RPH3A: variants seen among roughly 807,000 people sequenced by gnomAD.
The protein encoded by RPH3A is rabphilin-3A.
In RPH3A, 48 loss-of-function variants were observed where a neutral mutation model predicts 102.2. The ratio of observed to expected loss-of-function variants is 0.47; its 90% confidence interval spans 0.37 to 0.60. The LOEUF (loss-of-function observed/expected upper bound fraction) is 0.60, where lower values mean the gene tolerates loss of function less well. Among genes scored for constraint, RPH3A ranks in the 20% least tolerant of loss-of-function variants. RPH3A has a pLI of 0.00. For missense variants in RPH3A, 781 were observed against 910.1 expected, an observed-to-expected ratio of 0.86 and a Z score of 1.83; for synonymous variants, 310 against 324.3, an observed-to-expected ratio of 0.96 and a Z score of 0.47.
At chr12:112,707,436 T>A (rs2040433697) in intron 1 of RPH3A, among the ~76,000 whole-genome samples, 1 of 152,190 alleles carries the variant, frequency 6.6e-6, no homozygotes, top group Non-Finnish European at 1.5e-5. Flanking sequence ...GTGAGGAAAC[T>A]GGGGCCTAGG....
At chr12:112,719,332 A>G (rs2040536316) in intron 1 of RPH3A, among the ~76,000 whole-genome samples, 1 of 152,194 alleles carries the variant, frequency 6.6e-6, no homozygotes, top group African/African-American at 2.4e-5. Flanking sequence ...CAAACCATCC[A>G]CCAGAGATTA....
At chr12:112,659,241 A>G (rs1187652637) in intron 1 of RPH3A, among the ~76,000 whole-genome samples, 1 of 152,208 alleles carries the variant, frequency 6.6e-6, no homozygotes, top group Non-Finnish European at 1.5e-5. Context: ...CATCTAGCCC[A>G]CAGGAAAGTC....
chr12:112,721,116 T>C (rs929686818), intron 1 of RPH3A, among the ~76,000 whole-genome samples: 37 of 152,216 alleles, frequency 2.4e-4, no homozygotes, highest in African/African-American at 8.7e-4. Flanking sequence ...ATGATGCATG[T>C]AAGCTACCTA....
intron 20 of RPH3A, 190 bp from the exon 21 acceptor site, chr12:112,895,587 C>T: frequency 1.8e-6 from 1 of 547,748 alleles, no homozygotes; most frequent in Non-Finnish European, 3.3e-6. Context: ...TGCTTTGTTA[C>T]ACAGAGTGTT....
At chr12:112,889,574 C>T (rs2043057864) in intron 17 of RPH3A, among the ~76,000 whole-genome samples, 1 of 152,200 alleles carries the variant, frequency 6.6e-6, no homozygotes, top group South Asian at 2.1e-4. Flanking sequence ...GGTTTTCTAA[C>T]TCTGTTTCCC....
intron 4 of RPH3A, among the ~76,000 whole-genome samples, chr12:112,839,636 C>G (rs965813748): frequency 6.6e-6 from 1 of 152,190 alleles, no homozygotes; most frequent in African/African-American, 2.4e-5. Flanking sequence ...ACATCACTCC[C>G]CTGCATTTTA....
intron 15 of RPH3A, 57 bp downstream of exon 15, chr12:112,881,903 C>A: frequency 7.1e-7 from 1 of 1,416,886 alleles, no homozygotes; most frequent in Non-Finnish European, 9.8e-7. Flanking sequence ...GGCAGATACC[C>A]AGGGTTCTCA....
At chr12:112,723,449 A>T (rs1442401612) in intron 1 of RPH3A, among the ~76,000 whole-genome samples, 1 of 152,220 alleles carries the variant, frequency 6.6e-6, no homozygotes, top group Non-Finnish European at 1.5e-5. Flanking sequence ...AAGATGAATC[A>T]TCTGTCTGAA....
At chr12:112,866,108 C>T (rs573706728) in intron 6 of RPH3A, among the ~76,000 whole-genome samples, 54 of 152,254 alleles carry the variant, frequency 3.5e-4, no homozygotes, top group African/African-American at 1.2e-3. Context: ...TGGGGTCTGC[C>T]GGACTCCAAG....
At chr12:112,706,108 G>C (rs912932696) in intron 1 of RPH3A, among the ~76,000 whole-genome samples, 1 of 152,192 alleles carries the variant, frequency 6.6e-6, no homozygotes. Flanking sequence ...ATGGAGACTA[G>C]AGCAGACACT....
chr12:112,870,780 C>A (rs1185075255), intron 10 of RPH3A, among the ~76,000 whole-genome samples: 1 of 152,150 alleles, frequency 6.6e-6, no homozygotes, highest in East Asian at 1.9e-4. Flanking sequence ...CAGAGCTGGG[C>A]ACGTACCTTG....
intron 1 of RPH3A, among the ~76,000 whole-genome samples, chr12:112,642,620 G>C (rs568741282): frequency 9.7e-4 from 148 of 152,252 alleles, no homozygotes; most frequent in Non-Finnish European, 1.8e-3. Context: ...GTTGCAATCA[G>C]AGTCAAAATG....
intron 1 of RPH3A, among the ~76,000 whole-genome samples, chr12:112,776,691 G>A (rs1483316517): frequency 6.6e-6 from 1 of 151,868 alleles, no homozygotes; most frequent in Non-Finnish European, 1.5e-5. Context: ...TGGCTAACAT[G>A]GTGAAACCCC....
At chr12:112,640,258 G>C (rs925469235) in intron 1 of RPH3A, among the ~76,000 whole-genome samples, 3 of 145,352 alleles carry the variant, frequency 2.1e-5, no homozygotes, top group Admixed American at 1.4e-4. Flanking sequence ...CCAGGAGGTG[G>C]AGGTTGCAGT....
chr12:112,798,891 C>G (rs554460301), intron 2 of RPH3A, among the ~76,000 whole-genome samples: 1 of 151,886 alleles, frequency 6.6e-6, no homozygotes, highest in African/African-American at 2.4e-5. Flanking sequence ...CTTTCCTTTT[C>G]TCTCTCTCTC....
At chr12:112,697,436 A>T (rs764048988) in intron 1 of RPH3A, among the ~76,000 whole-genome samples, 1 of 152,220 alleles carries the variant, frequency 6.6e-6, no homozygotes, top group Admixed American at 6.5e-5. Context: ...TACACTGAAA[A>T]CTATAAACCA....
chr12:112,712,905 TC>T (rs2040475546), intron 1 of RPH3A, among the ~76,000 whole-genome samples: 1 of 92,188 alleles, frequency 1.1e-5, no homozygotes, highest in South Asian at 4.9e-4. Context: ...TTCTTCTTCC[TC>T]TTCTTCTTCT....
chr12:112,810,945 C>T (rs2041562834), intron 2 of RPH3A, among the ~76,000 whole-genome samples: 1 of 147,156 alleles, frequency 6.8e-6, no homozygotes, highest in Non-Finnish European at 1.5e-5. Context: ...ATATATAATA[C>T]ATATTTTTTG....
intron 1 of RPH3A, among the ~76,000 whole-genome samples, chr12:112,772,955 G>T (rs1380428800): frequency 1.3e-5 from 2 of 152,032 alleles, no homozygotes; most frequent in African/African-American, 2.4e-5. Flanking sequence ...TCAGAGCTTA[G>T]CTCCCACATA....
Sources: gnomAD v4.1 joint callset for allele counts (sites outside exome capture counted in the v4.1 genomes callset) on GRCh38, gnomAD v4.1.1 for gene constraint, MANE v1.5 for transcripts, NCBI Gene and HGNC (gene_info 2026-07-23, HGNC 2026-07-21) for gene names.